The following TSPAN15 variants were observed in gnomAD, a reference collection of about 807,000 sequenced individuals.
The protein encoded by TSPAN15 is tetraspanin 15.
TSPAN15 carries 20 observed loss-of-function variants against 34.5 expected under a neutral mutation model. The ratio of observed to expected loss-of-function variants is 0.58; its 90% CI spans 0.41 to 0.84. The LOEUF (loss-of-function observed/expected upper bound fraction) is 0.84, where lower values mean the gene tolerates loss of function less well. TSPAN15 is among the 40% of genes least tolerant of loss of function. The pLI is 0.00. For missense variants in TSPAN15, 313 were observed against 386.1 expected (o/e 0.81, Z 1.59); for synonymous variants, 155 against 153.9 (o/e 1.01, Z -0.05).
chr10:69,496,927 A>G (rs55737317), intron 4 of TSPAN15, among the ~76,000 whole-genome samples: 18,035 of 152,224 alleles, frequency 0.12, 1,130 homozygotes, highest in South Asian at 0.13. Flanking sequence ...TTCTCCTGGC[A>G]TAGAGGTAGG....
the TSPAN15 span, among the ~76,000 whole-genome samples, chr10:69,530,770 C>CA: frequency 8.8e-6 from 1 of 113,146 alleles, no homozygotes; most frequent in South Asian, 3.3e-4. Context: ...GCCTAGGTGA[C>CA]AGAGTGAGAC....
At chr10:69,484,840 A>T (rs931651915) in intron 2 of TSPAN15, among the ~76,000 whole-genome samples, 3 of 152,020 alleles carry the variant, frequency 2.0e-5, no homozygotes, top group African/African-American at 4.8e-5. Context: ...AGCTCTCCTT[A>T]TGGTGGTGGG....
At chr10:69,495,248 C>T (rs1842053417) in intron 3 of TSPAN15, 1 of 216,912 alleles carries the variant, frequency 4.6e-6, no homozygotes, top group Non-Finnish European at 9.2e-6. Context: ...CCAGGACAGC[C>T]AGGTCTCAGC....
chr10:69,539,067 T>G, the TSPAN15 span, among the ~76,000 whole-genome samples: 2 of 152,136 alleles, frequency 1.3e-5, no homozygotes, highest in Non-Finnish European at 2.9e-5. Flanking sequence ...TTGGTGACAT[T>G]AGCAAGGACA....
the TSPAN15 span, among the ~76,000 whole-genome samples, chr10:69,532,402 CA>C: frequency 1.7e-4 from 26 of 152,276 alleles, no homozygotes; most frequent in African/African-American, 6.3e-4. Context: ...TGATCTTCAA[CA>C]AAGCAAACAA....
intron 2 of TSPAN15, 60 bp downstream of exon 2, chr10:69,483,936 CT>C: frequency 6.4e-7 from 1 of 1,559,170 alleles, no homozygotes; most frequent in South Asian, 1.2e-5. Flanking sequence ...GCGCCTGCCC[CT>C]GTGCCCTTGG....
Position 69,485,203 on chromosome 10 carries a change from C to T in TSPAN15, c.345C>T (p.Thr115=), listed in dbSNP as rs145327069. ...TCATTGGTGGCGTGGTGGCCTTGAC[C>T]TTCCGGAACCAGGTGGGCCTGTGGA... ...MELIGGVVAL[T]FRNQTIDFLN... The change falls in exon 3 of 8, where the codon ACC becomes ACT. Residue 115 remains threonine (T), a synonymous_variant. Coordinates refer to ENST00000373290, the MANE Select transcript of TSPAN15 (RefSeq NM_012339.5). The T allele has an allele frequency of 1.9e-6, 3 of 1,613,968 alleles. No individual in the cohort carries two copies. The highest frequency in any genetic ancestry group is 1.3e-5 in the African/African-American group (1 of 74,902).
intron 3 of TSPAN15, chr10:69,494,840 G>T (rs1842043672): frequency 3.0e-6 from 3 of 985,440 alleles, no homozygotes; most frequent in Non-Finnish European, 3.6e-6. Flanking sequence ...GGCTGCCCAC[G>T]CTCCTGCCCC....
intron 1 of TSPAN15, among the ~76,000 whole-genome samples, chr10:69,482,414 T>C (rs537428575): frequency 6.6e-6 from 1 of 152,226 alleles, no homozygotes; most frequent in South Asian, 2.1e-4. Flanking sequence ...ATGTCCACTA[T>C]TAGAAAAGTT....
At chr10:69,508,721 C>T (rs1842384862), downstream of TSPAN15, among the ~76,000 whole-genome samples, 1 of 152,198 alleles carries the variant, frequency 6.6e-6, no homozygotes, top group African/African-American at 2.4e-5. Flanking sequence ...TTCTTATCTT[C>T]ATTTTATTAG....
chr10:69,495,744 T>G, intron 4 of TSPAN15, 55 bp downstream of exon 4: 1 of 1,247,828 alleles, frequency 8.0e-7, no homozygotes, highest in Non-Finnish European at 1.2e-6. Flanking sequence ...AGCCCCCCAT[T>G]CAGGCCCCTG....
intron 1 of TSPAN15, among the ~76,000 whole-genome samples, chr10:69,468,084 A>G (rs1409108193): frequency 6.6e-6 from 1 of 152,140 alleles, no homozygotes; most frequent in Non-Finnish European, 1.5e-5. Context: ...CTTGCCTGGA[A>G]AACTGTCCCC....
the TSPAN15 span, among the ~76,000 whole-genome samples, chr10:69,529,973 G>C: frequency 8.8e-5 from 13 of 147,440 alleles, 2 homozygotes; most frequent in South Asian, 2.8e-3. Flanking sequence ...ATTTCACTTA[G>C]AATAATGGTC....
chr10:69,479,074 C>G (rs1210743900), intron 1 of TSPAN15, among the ~76,000 whole-genome samples: 3 of 152,258 alleles, frequency 2.0e-5, no homozygotes, highest in African/African-American at 4.8e-5. Context: ...TCCAGCCTCT[C>G]TTACTCTCCC....
At position 69,494,098 on chromosome 10, in the gene TSPAN15, G is replaced by T. The variant is rs535919046; in HGVS notation, c.358-1496G>T. On this transcript the variant is annotated intron_variant, in intron 3 of 7. Coordinates refer to ENST00000373290, the MANE Select transcript of TSPAN15 (RefSeq NM_012339.5). The stretch of plus-strand genomic sequence containing the variant: ...GGGAGTTTGACACCCTGGTCCCAGC[G>T]TCTCTCTGCCAGTGGTGTGCTGGGC... 9.7e-4 allele frequency among the ~76,000 whole-genome samples: 148 copies of T among 152,288 alleles called. No individual in the cohort carries two copies. In the Middle Eastern group the frequency reaches 0.014, roughly 14 times the overall value.
chr10:69,500,764 A>G (rs1163820406), intron 5 of TSPAN15, among the ~76,000 whole-genome samples: 2 of 152,138 alleles, frequency 1.3e-5, no homozygotes, highest in African/African-American at 4.8e-5. Context: ...AAACACCCCC[A>G]CAGAGACACC....
At chr10:69,537,497 G>A in the TSPAN15 span, among the ~76,000 whole-genome samples, 1 of 152,010 alleles carries the variant, frequency 6.6e-6, no homozygotes, top group Non-Finnish European at 1.5e-5. Context: ...GTGTCGTCAG[G>A]GCCAGGCTCC....
chr10:69,526,377 G>A, the TSPAN15 span, among the ~76,000 whole-genome samples: 4 of 148,400 alleles, frequency 2.7e-5, no homozygotes, highest in Admixed American at 2.8e-4. Context: ...ATTGGGCAAA[G>A]AACCTGAAAA....
At chr10:69,547,371 G>A in the TSPAN15 span, among the ~76,000 whole-genome samples, 1 of 151,992 alleles carries the variant, frequency 6.6e-6, no homozygotes, top group East Asian at 1.9e-4. Flanking sequence ...TATCATCTAT[G>A]AACCAGGCCC....
Sources: gnomAD v4.1 joint callset for allele counts (sites outside exome capture counted in the v4.1 genomes callset) on GRCh38, gnomAD v4.1.1 for gene constraint, MANE v1.5 for transcripts, NCBI Gene and HGNC (gene_info 2026-07-23, HGNC 2026-07-21) for gene names.